The following RASL10A variants were observed in gnomAD, a reference collection of about 807,000 sequenced individuals.
RASL10A encodes RAS like family 10 member A.
In RASL10A, 13 loss-of-function variants were observed where a neutral mutation model predicts 17.3. That is an observed-to-expected ratio of 0.75 (90% confidence interval 0.49 to 1.20). The LOEUF (loss-of-function observed/expected upper bound fraction) is 1.20, where lower values mean the gene tolerates loss of function less well. RASL10A is among the 50% of genes most tolerant of loss of function. The pLI, the probability that RASL10A is intolerant of heterozygous loss-of-function variation, is 0.00. For synonymous variants in RASL10A, 159 were observed against 142.2 expected, an observed-to-expected ratio of 1.12 and a Z score of -0.84; for missense variants, 307 against 310.3, an observed-to-expected ratio of 0.99 and a Z score of 0.08.
upstream of RASL10A, among the ~76,000 whole-genome samples, chr22:29,318,271 G>A (rs533405005): frequency 6.6e-5 from 10 of 152,206 alleles, no homozygotes; most frequent in African/African-American, 1.7e-4. Context: ...AAGGGCCTGC[G>A]ATGTGCCAAG....
Position 29,313,912 on chromosome 22 carries a change from C to G in RASL10A, c.295G>C (p.Asp99His), listed in dbSNP as rs765536353. 6.2e-7 allele frequency: 1 copy of G among 1,614,020 alleles called. No individual in the cohort carries two copies. The highest frequency in any genetic ancestry group is 1.1e-5 in the South Asian group (1 of 91,090). ...FVLVYDICSPDSFDYVKALRQ... is the reference protein window; with the variant it reads ...FVLVYDICSPHSFDYVKALRQ... ...AGGGCCTTCACGTAGTCGAAACTGT[C>G]CGGGCTGCAGATGTCGTAGACGAGC... Residue 99 changes from aspartate to histidine, a missense_variant, in exon 2 of 3, where the codon GAC (aspartate) becomes CAC (histidine). Asp to His is a moderately conservative substitution (Grantham distance 81). Coordinates refer to ENST00000216101, the MANE Select transcript of RASL10A (RefSeq NM_006477.5).
upstream of RASL10A, among the ~76,000 whole-genome samples, chr22:29,317,681 C>T (rs147290184): frequency 2.9e-3 from 437 of 152,066 alleles, 5 homozygotes; most frequent in African/African-American, 9.4e-3. Flanking sequence ...GACACCAGGA[C>T]GGTCTTTTGT....
chr22:29,316,499 T>C (rs1602664771), upstream of RASL10A, among the ~76,000 whole-genome samples: 2 of 152,026 alleles, frequency 1.3e-5, no homozygotes, highest in African/African-American at 2.4e-5. Context: ...TTGCAACCCG[T>C]AGCGCCCCTC....
At position 29,313,278 on chromosome 22, in the gene RASL10A, A is replaced by G. The variant is rs1358405012; in HGVS notation, c.*23T>C. On this transcript the variant is annotated 3_prime_UTR_variant, in exon 3 of 3. Coordinates refer to ENST00000216101, the MANE Select transcript of RASL10A (RefSeq NM_006477.5). The stretch of plus-strand genomic sequence containing the variant: ...TTGTCCCAGTCACAAGGTGGGGCCC[A>G]TGGATGGCACTGTCCGATCGGGTCA... The G allele has an allele frequency of 2.0e-6, 3 of 1,464,692 alleles. No homozygotes were observed. The highest frequency in any genetic ancestry group is 2.8e-5 in the South Asian group (2 of 72,656). 90.7% of individuals were successfully genotyped at this position (1,464,692 alleles called of 1,614,324 possible).
At chr22:29,314,086 AC>A in intron 1 of RASL10A, 99 bp from the exon 2 acceptor site, 1 of 1,485,470 alleles carries the variant, frequency 6.7e-7, no homozygotes, top group Non-Finnish European at 9.1e-7. Context: ...GGCCAACATC[AC>A]CCCCATACAG....
rs1035777504 is a variant in RASL10A at position 29,314,183 on chromosome 22, C to T, written c.220-196G>A. ...TTTCCAAATCGTGCCTGGAGCCTGT[C>T]AGCCAGCCTCCTTCATCCTTGGTCT... On this transcript the variant is annotated intron_variant, in intron 1 of 2. Coordinates refer to ENST00000216101, the MANE Select transcript of RASL10A (RefSeq NM_006477.5). The T allele has an allele frequency of 2.2e-5, 14 of 634,178 alleles. No individual in the cohort carries two copies. The African/African-American group carries it at 2.2e-4, about 10-fold the overall frequency. The allele number at this position is 634,178 out of a possible 1,614,324, so 39.3% of individuals were successfully genotyped here.
At chr22:29,314,112 C>T (rs952604046) in intron 1 of RASL10A, 125 bp from the exon 2 acceptor site, 7 of 1,324,804 alleles carry the variant, frequency 5.3e-6, no homozygotes, top group Middle Eastern at 2.1e-4. Flanking sequence ...CTGTGCCCCT[C>T]CCCCAAGCTT....
upstream of RASL10A, among the ~76,000 whole-genome samples, chr22:29,318,912 C>T (rs979750577): frequency 1.8e-4 from 27 of 152,146 alleles, no homozygotes; most frequent in African/African-American, 5.6e-4. Context: ...TAGGCAGGGA[C>T]GGGTGAAGAC....
At chr22:29,313,685 C>T in intron 2 of RASL10A, 117 bp from the exon 3 acceptor site, 17 of 1,416,946 alleles carry the variant, frequency 1.2e-5, no homozygotes, top group Non-Finnish European at 1.6e-5. Flanking sequence ...CCCCCCCCGC[C>T]GCCCCAACGA....
intron 1 of RASL10A, 131 bp from the exon 2 acceptor site, chr22:29,314,118 A>G (rs1224688602): frequency 7.8e-7 from 1 of 1,279,056 alleles, no homozygotes; most frequent in Non-Finnish European, 1.0e-6. Flanking sequence ...CCCTCCCCCA[A>G]GCTTTCCGGG....
chr22:29,318,025 C>T (rs958034848), upstream of RASL10A, among the ~76,000 whole-genome samples: 3 of 152,194 alleles, frequency 2.0e-5, no homozygotes, highest in Admixed American at 1.3e-4. Flanking sequence ...GCTAGGCGCA[C>T]TCCCGCCCAC....
intron 1 of RASL10A, 161 bp from the exon 2 acceptor site, chr22:29,314,148 A>T: frequency 2.0e-6 from 2 of 982,672 alleles, no homozygotes; most frequent in South Asian, 3.6e-5. Context: ...CATGACCACC[A>T]GGGTAAAATT....
At chr22:29,314,146 C>G in intron 1 of RASL10A, 159 bp from the exon 2 acceptor site, 1 of 999,270 alleles carries the variant, frequency 1.0e-6, no homozygotes, top group Non-Finnish European at 1.4e-6. Flanking sequence ...CTCATGACCA[C>G]CAGGGTAAAA....
In RASL10A at chr22:29,313,583, G is replaced by C; in HGVS notation, c.345-15C>G. The C allele has an allele frequency of 1.3e-6, 2 of 1,521,882 alleles. No homozygotes were observed. The highest frequency in any genetic ancestry group is 1.3e-5 in the South Asian group (1 of 78,970). The allele number at this position is 1,521,882 out of a possible 1,614,324, so 94.3% of individuals were successfully genotyped here. A position where few individuals can be genotyped will look rare whatever the true frequency, so the allele number is the denominator to read the frequency against. ...CGCCCGCCGGCCTGGGGGCCGAATGGAGATGAGAGACGCGGGGACCCCACG... is the reference window on the plus strand; with the variant it reads ...CGCCCGCCGGCCTGGGGGCCGAATGCAGATGAGAGACGCGGGGACCCCACG... On this transcript the variant is annotated splice_polypyrimidine_tract_variant and intron_variant, in intron 2 of 2. Transcript: ENST00000216101.
At position 29,313,552 on chromosome 22, in the gene RASL10A, C is replaced by G. The variant is rs1220391318; in HGVS notation, c.361G>C (p.Glu121Gln). The change falls in exon 3 of 3, where the codon GAA becomes CAA. Residue 121 changes from glutamate (E) to glutamine (Q), a missense_variant. Coordinates refer to ENST00000216101, the MANE Select transcript of RASL10A (RefSeq NM_006477.5). Reference sequence around the variant, plus strand: ...TTGCCTACCACGAGGATGGGCGCTTCGGGCGCGCCCGCCGGCCTGGGGGCC... The same window carrying G: ...TTGCCTACCACGAGGATGGGCGCTTGGGGCGCGCCCGCCGGCCTGGGGGCC... ...IAETRPAGAP[E>Q]APILVVGNKR... The G allele has an allele frequency of 2.0e-6, 3 of 1,527,942 alleles. No homozygotes were observed. In the East Asian group the frequency reaches 7.0e-5, roughly 36 times the overall value. The allele number at this position is 1,527,942 out of a possible 1,614,324, so 94.6% of individuals were successfully genotyped here.
chr22:29,313,717 A>G, intron 2 of RASL10A, 146 bp downstream of exon 2: 4 of 1,430,660 alleles, frequency 2.8e-6, no homozygotes, highest in African/African-American at 1.4e-5. Context: ...CATGTGGGCC[A>G]AAGAGCACAT....
upstream of RASL10A, among the ~76,000 whole-genome samples, chr22:29,318,639 T>C (rs1180944335): frequency 4.6e-5 from 7 of 152,290 alleles, no homozygotes; most frequent in East Asian, 3.9e-4. Flanking sequence ...GCCTGGGATG[T>C]GGATTTCAGG....
rs1316290608 is a variant in RASL10A, at chr22:29,313,200, T to C, written c.*101A>G. 1 of 1,377,530 alleles carries C rather than the reference T, an allele frequency of 7.3e-7. No homozygotes were observed. Among genetic ancestry groups the C allele is most frequent in the Admixed American group, 3.0e-5 (1 of 32,876 alleles). 85.3% of individuals were successfully genotyped at this position (1,377,530 alleles called of 1,614,324 possible). On this transcript the variant is annotated 3_prime_UTR_variant, in exon 3 of 3. Transcript: ENST00000216101. ...TCCTCATCCAATCAGGGCGGAGACT[T>C]CCCTGTCCAGTCCCAGTGAAGTTGG...
At position 29,313,293 on chromosome 22, in the gene RASL10A, C is replaced by G. The variant is rs1214441634; in HGVS notation, c.*8G>C. ...GGTGGGGCCCATGGATGGCACTGTC[C>G]GATCGGGTCACATGAGGCTGCAGCG... On this transcript the variant is annotated 3_prime_UTR_variant, in exon 3 of 3. Transcript: ENST00000216101. 6.7e-7 allele frequency: 1 copy of G among 1,493,044 alleles called. No individual in the cohort carries two copies. Among genetic ancestry groups the G allele is most frequent in the Non-Finnish European group, 8.9e-7 (1 of 1,118,492 alleles). 92.5% of individuals were successfully genotyped at this position (1,493,044 alleles called of 1,614,324 possible).
Sources: allele counts gnomAD v4.1 joint callset (sites outside exome capture counted in the v4.1 genomes callset), GRCh38; gene constraint gnomAD v4.1.1; transcripts MANE v1.5; gene names NCBI Gene and HGNC (gene_info 2026-07-23, HGNC 2026-07-21).